The following MAP3K13 variants were observed in gnomAD, a reference collection of about 807,000 sequenced individuals.
MAP3K13 encodes leucine zipper-bearing kinase.
MAP3K13 carries 52 observed loss-of-function variants against 104.0 expected under a neutral mutation model. That is an observed-to-expected ratio of 0.50 (90% CI 0.40 to 0.63). The LOEUF is 0.63. Among genes scored for constraint, MAP3K13 ranks in the 20% least tolerant of loss-of-function variants. MAP3K13 has a pLI of 0.00. For synonymous variants in MAP3K13, 394 were observed against 442.2 expected (o/e 0.89, Z 1.37); for missense variants, 914 against 1,218.5 (o/e 0.75, Z 3.72).
intron 2 of MAP3K13, among the ~76,000 whole-genome samples, chr3:185,348,288 A>C (rs1201631065): frequency 6.6e-6 from 1 of 152,186 alleles, no homozygotes; most frequent in Non-Finnish European, 1.5e-5. Flanking sequence ...GGCCTTTTGA[A>C]GATGACCATT....
intron 2 of MAP3K13, among the ~76,000 whole-genome samples, chr3:185,433,334 G>T (rs1714852488): frequency 1.3e-5 from 2 of 152,152 alleles, no homozygotes. Context: ...GATAAACGCT[G>T]GGGAAGAGTA....
At position 185,429,281 on chromosome 3, in the gene MAP3K13, G is replaced by A. The variant is rs148150603; in HGVS notation, c.475+225G>A. Reference sequence around the variant, plus strand: ...ATCTTTTGTGGTCATCCAGTCTAGCGGTGTCCAAAGTACAGTACATATAAA... The same window carrying A: ...ATCTTTTGTGGTCATCCAGTCTAGCAGTGTCCAAAGTACAGTACATATAAA... On this transcript the variant is annotated intron_variant, in intron 2 of 13. Coordinates refer to ENST00000265026, the MANE Select transcript of MAP3K13 (RefSeq NM_004721.5). 8.5e-5 allele frequency among the ~76,000 whole-genome samples: 13 copies of A among 152,198 alleles called. No homozygotes were observed. The East Asian group carries it at 1.7e-3, about 20-fold the overall frequency.
rs200380603 is a variant in MAP3K13, at chr3:185,473,304, T to A, written c.1973T>A (p.Met658Lys). Residue 658 changes from methionine to lysine, a missense_variant, in exon 11 of 14, where the codon ATG (methionine) becomes AAG (lysine). By Grantham distance (95) the Met-to-Lys change is moderately conservative. Around this residue, in one of 3 missense-constraint regions of MAP3K13, gnomAD observed 583 missense variants for 737.4 expected, o/e 0.79. Coordinates refer to ENST00000265026, the MANE Select transcript of MAP3K13 (RefSeq NM_004721.5). This position sits in a 1 kb window ranked among gnomAD's most constrained non-coding sequence, Gnocchi z 4.9. ...CAGAGTCACCATCCCAGACTCAATA[T>A]GCACGGACAGGACATAGCAACCTGC... is the stretch of plus-strand genomic sequence containing the variant. Reference protein sequence around the residue: ...MSQSHHPRLNMHGQDIATCAN... With the variant: ...MSQSHHPRLNKHGQDIATCAN... The A allele has an allele frequency of 1.2e-5, 20 of 1,614,086 alleles. No individual in the cohort carries two copies. The highest frequency in any genetic ancestry group is 1.5e-5 in the Non-Finnish European group (18 of 1,180,048).
At chr3:185,388,754 T>C (rs954564991) in intron 1 of MAP3K13, among the ~76,000 whole-genome samples, 6 of 152,148 alleles carry the variant, frequency 3.9e-5, no homozygotes, top group Admixed American at 6.5e-5. Flanking sequence ...AGAACAAAGC[T>C]GGAGGCATCA....
At chr3:185,454,966 G>GAT (rs1222562569) in intron 7 of MAP3K13, among the ~76,000 whole-genome samples, 5 of 55,894 alleles carry the variant, frequency 8.9e-5, no homozygotes, top group African/African-American at 2.8e-4. Context: ...ATATATATGA[G>GAT]ATATATATAT....
intron 1 of MAP3K13, among the ~76,000 whole-genome samples, chr3:185,382,029 T>C (rs1234300958): frequency 1.3e-5 from 2 of 152,312 alleles, no homozygotes; most frequent in Non-Finnish European, 1.5e-5. Flanking sequence ...GATGATGAAG[T>C]CTATCCAATA....
chr3:185,382,380 T>C (rs1393043365), intron 1 of MAP3K13, among the ~76,000 whole-genome samples: 1 of 152,188 alleles, frequency 6.6e-6, no homozygotes, highest in Non-Finnish European at 1.5e-5. Flanking sequence ...ACTGAAACTG[T>C]GGAAAATGAA....
At chr3:185,471,760 G>A (rs921328736) in intron 10 of MAP3K13, among the ~76,000 whole-genome samples, 4 of 151,964 alleles carry the variant, frequency 2.6e-5, no homozygotes, top group East Asian at 1.9e-4. Context: ...ACGCCCGGCC[G>A]ACCTTTACTC....
chr3:185,463,973 A>G lies in MAP3K13; in HGVS notation c.1388+314A>G, dbSNP rs575063411. Reference sequence around the variant, plus strand: ...TTATAAGATTTAGTCCCTGGCTTCAAGATGCTTATAATCTATTAAGAGATA... The same window carrying G: ...TTATAAGATTTAGTCCCTGGCTTCAGGATGCTTATAATCTATTAAGAGATA... On this transcript the variant is annotated intron_variant, in intron 8 of 13. Coordinates refer to ENST00000265026, the MANE Select transcript of MAP3K13 (RefSeq NM_004721.5). Among the ~76,000 whole-genome samples the G allele has an allele frequency of 1.3e-3, 198 of 152,306 alleles. 2 individuals are homozygous for G. The highest frequency in any genetic ancestry group is 4.4e-3 in the African/African-American group (183 of 41,564).
intron 1 of MAP3K13, among the ~76,000 whole-genome samples, chr3:185,420,485 A>AT: frequency 6.6e-6 from 1 of 152,340 alleles, no homozygotes; most frequent in Admixed American, 6.5e-5. Flanking sequence ...AGCAGAAATT[A>AT]TTTTATGTTC....
At chr3:185,424,512 A>C (rs1560099010) in intron 1 of MAP3K13, among the ~76,000 whole-genome samples, 1 of 152,196 alleles carries the variant, frequency 6.6e-6, no homozygotes, top group Non-Finnish European at 1.5e-5. Context: ...ATGGTGCTGG[A>C]GCTGGCTTAT....
At position 185,427,796 on chromosome 3, in the gene MAP3K13, A is replaced by G. The variant is rs936798286; in HGVS notation, c.-85-701A>G. Among the ~76,000 whole-genome samples the G allele has an allele frequency of 6.2e-4, 95 of 152,122 alleles. 1 individual carries two copies. Among genetic ancestry groups the G allele is most frequent in the African/African-American group, 2.2e-3 (93 of 41,420 alleles). On this transcript the variant is annotated intron_variant, in intron 1 of 13. Coordinates refer to ENST00000265026, the MANE Select transcript of MAP3K13 (RefSeq NM_004721.5). ...AACATTCTTTTCTGATTAAAAAGAT[A>G]GGCCGGGCACGGTGGCTCACGCCTG...
intron 1 of MAP3K13, among the ~76,000 whole-genome samples, chr3:185,383,420 G>A (rs9839749): frequency 0.51 from 76,780 of 151,714 alleles, 20,470 homozygotes; most frequent in Middle Eastern, 0.66. Flanking sequence ...AAATTAGCTG[G>A]GCGTGGTGGC....
chr3:185,445,933 A>G (rs1715566909), intron 4 of MAP3K13, among the ~76,000 whole-genome samples: 1 of 152,228 alleles, frequency 6.6e-6, no homozygotes, highest in Non-Finnish European at 1.5e-5. Flanking sequence ...TTCCTGGTGT[A>G]TGATATCAAT....
rs79624626 is a variant in MAP3K13, at chr3:185,423,329, C to A, written c.-85-5168C>A. 7.5e-3 allele frequency among the ~76,000 whole-genome samples: 1,147 copies of A among 152,288 alleles called. 7 individuals are homozygous for A. Among genetic ancestry groups the A allele is most frequent in the Non-Finnish European group, 0.012 (812 of 68,028 alleles). On this transcript the variant is annotated intron_variant, in intron 1 of 13. Coordinates refer to ENST00000265026, the MANE Select transcript of MAP3K13 (RefSeq NM_004721.5). This position sits in a 1 kb window ranked among gnomAD's most constrained non-coding sequence, Gnocchi z 4.1. Reference sequence around the variant, plus strand: ...CTGCTGTATAGGATAACCAAGAGTCCTGGCAGCCAAGGCAGACCGGAAGTA... The same window carrying A: ...CTGCTGTATAGGATAACCAAGAGTCATGGCAGCCAAGGCAGACCGGAAGTA...
chr3:185,373,823 ATTTTTTTTTTT>A (rs148364519), intron 1 of MAP3K13, among the ~76,000 whole-genome samples: 2 of 113,358 alleles, frequency 1.8e-5, no homozygotes, highest in Non-Finnish European at 1.8e-5. Flanking sequence ...AGTGAAAAGG[ATTTTTTTTTTT>A]TTTTTTTTTT....
intron 2 of MAP3K13, among the ~76,000 whole-genome samples, chr3:185,317,512 A>ATT (rs1721719405): frequency 6.6e-6 from 1 of 152,198 alleles, no homozygotes; most frequent in Non-Finnish European, 1.5e-5. Context: ...AATGCTTTAT[A>ATT]TTATCTAGAC....
chr3:185,345,334 G>T (rs561218709), intron 2 of MAP3K13, among the ~76,000 whole-genome samples: 1 of 152,222 alleles, frequency 6.6e-6, no homozygotes, highest in Admixed American at 6.5e-5. Flanking sequence ...TCTCAGCCAT[G>T]ACCATCCCTC....
chr3:185,398,340 A>C (rs1215370457), intron 1 of MAP3K13, among the ~76,000 whole-genome samples: 1 of 152,134 alleles, frequency 6.6e-6, no homozygotes, highest in African/African-American at 2.4e-5. Context: ...GTCCTCCACA[A>C]AAAAAAATTT....
Sources: gnomAD v4.1 joint callset for allele counts (sites outside exome capture counted in the v4.1 genomes callset) on GRCh38, gnomAD v4.1.1 for gene constraint, gnomAD v4.1.1 regional missense constraint, Gnocchi (gnomAD v3.1) non-coding constraint, MANE v1.5 for transcripts, NCBI Gene and HGNC (gene_info 2026-07-23, HGNC 2026-07-21) for gene names.